ELF2: variants seen among roughly 807,000 people sequenced by gnomAD.
ELF2 encodes E74 like ETS transcription factor 2.
Under a neutral mutation model 54.8 loss-of-function variants are expected in ELF2, and 11 were observed. The observed-to-expected ratio is 0.20, with a 90% CI of 0.13 to 0.33. The LOEUF (loss-of-function observed/expected upper bound fraction) is 0.33. Among genes scored for constraint, ELF2 ranks in the 10% least tolerant of loss-of-function variants. The pLI is 1.00. For synonymous variants in ELF2, 203 were observed against 245.1 expected, an observed-to-expected ratio of 0.83 and a Z score of 1.61; for missense variants, 513 against 703.0, an observed-to-expected ratio of 0.73 and a Z score of 3.06.
chr4:139,123,406 C>G (rs1255033067), intron 4 of ELF2, among the ~76,000 whole-genome samples: 1 of 152,186 alleles, frequency 6.6e-6, no homozygotes, highest in Non-Finnish European at 1.5e-5. Flanking sequence ...TTCACAATCA[C>G]TAATATCTCT....
intron 4 of ELF2, among the ~76,000 whole-genome samples, chr4:139,106,231 G>C (rs1734387714): frequency 6.6e-6 from 1 of 152,102 alleles, no homozygotes; most frequent in African/African-American, 2.4e-5. Flanking sequence ...CTACATGACT[G>C]AGAGGCTTTT....
chr4:139,137,540 C>T, intron 3 of ELF2, 90 bp downstream of exon 3: 1 of 1,252,718 alleles, frequency 8.0e-7, no homozygotes. Flanking sequence ...TACATTTTTA[C>T]TCTCAAATAT....
chr4:139,159,026 A>G (rs1740829489), intron 1 of ELF2, among the ~76,000 whole-genome samples: 1 of 152,168 alleles, frequency 6.6e-6, no homozygotes, highest in Non-Finnish European at 1.5e-5. Flanking sequence ...GACTGCAGAG[A>G]GGTGGGAAGG....
intron 1 of ELF2, among the ~76,000 whole-genome samples, chr4:139,164,003 G>A (rs755351382): frequency 6.7e-5 from 10 of 149,246 alleles, no homozygotes; most frequent in Admixed American, 1.4e-4. Flanking sequence ...GGAAAGGAAA[G>A]GGGCAAGGGC....
intron 2 of ELF2, among the ~76,000 whole-genome samples, chr4:139,138,184 C>T (rs907350613): frequency 4.6e-5 from 7 of 152,096 alleles, no homozygotes; most frequent in Non-Finnish European, 8.8e-5. Context: ...TTTGGGAGGC[C>T]GAGGCAGGCG....
chr4:139,150,229 T>C (rs554473454), intron 1 of ELF2, among the ~76,000 whole-genome samples: 21 of 152,112 alleles, frequency 1.4e-4, no homozygotes, highest in African/African-American at 4.1e-4. Flanking sequence ...TAGCCCAGCA[T>C]GGTGGCAGGT....
At chr4:139,091,060 A>G (rs778724977) in intron 4 of ELF2, among the ~76,000 whole-genome samples, 1 of 152,028 alleles carries the variant, frequency 6.6e-6, no homozygotes, top group Non-Finnish European at 1.5e-5. Context: ...CAGCCTCCCA[A>G]GTAGCTGGGA....
At chr4:139,151,253 T>C (rs781119936) in intron 1 of ELF2, among the ~76,000 whole-genome samples, 1 of 151,952 alleles carries the variant, frequency 6.6e-6, no homozygotes, top group Non-Finnish European at 1.5e-5. Flanking sequence ...AAATATAGAA[T>C]ATCTTCATGA....
At chr4:139,114,171 T>C (rs1290101515) in intron 4 of ELF2, among the ~76,000 whole-genome samples, 2 of 152,220 alleles carry the variant, frequency 1.3e-5, no homozygotes, top group Non-Finnish European at 2.9e-5. Context: ...TAGATTTTCT[T>C]TTTCTATATA....
At chr4:139,067,321 A>C (rs1728852172) in intron 7 of ELF2, 1 of 174,802 alleles carries the variant, frequency 5.7e-6, no homozygotes, top group Admixed American at 5.6e-5. Context: ...AAATTATTAG[A>C]AACAAGGTTT....
Position 139,116,731 on chromosome 4 carries a change from T to C in ELF2, c.238+8433A>G. 3 of 985,432 alleles carry C rather than the reference T, an allele frequency of 3.0e-6. No individual in the cohort carries two copies. In the South Asian group the frequency reaches 1.4e-4, roughly 46 times the overall value. 61.0% of individuals were successfully genotyped at this position (985,432 alleles called of 1,614,324 possible). A position where few individuals can be genotyped will look rare whatever the true frequency, so the allele number is the denominator to read the frequency against. On this transcript the variant is annotated intron_variant, in intron 4 of 9. Coordinates refer to ENST00000686138, the MANE Select transcript of ELF2 (RefSeq NM_001331036.3). ...GGCTCGTTTTCAGATCCCCAGTTTT[T>C]CATGTCGATCTTCTACCTCCCTGTG...
At chr4:139,136,811 C>T (rs1738213780) in intron 3 of ELF2, 1 of 152,086 alleles carries the variant, frequency 6.6e-6, no homozygotes, top group Non-Finnish European at 1.5e-5. Context: ...ACTACAGGCG[C>T]CCGCCACCAC....
Position 139,134,589 on chromosome 4 carries a change from T to TTTTATTTTATTTTATTTTATTTTA in ELF2, c.72+3017_72+3040dup, listed in dbSNP as rs1737918894. ...GTTATTTTATTTTATGTTATATTTA[T>TTTTATTTTATTTTATTTTATTTTA]TTTATTTTATTTTATTTTATTTTAT... On this transcript the variant is annotated intron_variant, in intron 3 of 9. Transcript: ENST00000686138. 1.1e-4 allele frequency among the ~76,000 whole-genome samples: 2 copies of TTTTATTTTATTTTATTTTATTTTA among 18,058 alleles called. 1 individual carries two copies. The highest frequency in any genetic ancestry group is 6.1e-4 in the Admixed American group (2 of 3,296). The allele number at this position is 18,058 out of a possible 152,430, so 11.8% of individuals were successfully genotyped here.
At chr4:139,119,310 T>C (rs1736077859) in intron 4 of ELF2, among the ~76,000 whole-genome samples, 1 of 152,246 alleles carries the variant, frequency 6.6e-6, no homozygotes, top group Non-Finnish European at 1.5e-5. Context: ...TACTAAGCTT[T>C]AGTTGTACTA....
chr4:139,102,887 G>T (rs1317291476), intron 4 of ELF2, among the ~76,000 whole-genome samples: 1 of 147,620 alleles, frequency 6.8e-6, no homozygotes, highest in Non-Finnish European at 1.5e-5. Flanking sequence ...AGACATAAAT[G>T]TTTTTTTTTT....
chr4:139,062,342 T>G (rs1450387475), intron 7 of ELF2, among the ~76,000 whole-genome samples: 1 of 152,198 alleles, frequency 6.6e-6, no homozygotes, highest in African/African-American at 2.4e-5. Context: ...GGCTAATTTT[T>G]GTATTTTTGG....
intron 1 of ELF2, among the ~76,000 whole-genome samples, chr4:139,165,567 G>A (rs1741634197): frequency 6.6e-6 from 1 of 151,964 alleles, no homozygotes; most frequent in Non-Finnish European, 1.5e-5. Flanking sequence ...GGAGGCTGAG[G>A]CAGGAGAACC....
At chr4:139,116,827 A>G (rs551358396) in intron 4 of ELF2, 2 of 623,902 alleles carry the variant, frequency 3.2e-6, no homozygotes, top group African/African-American at 2.0e-5. Flanking sequence ...TAACAAATAC[A>G]AAAGTTATGA....
chr4:139,104,331 G>C (rs987813843), intron 4 of ELF2, among the ~76,000 whole-genome samples: 2 of 152,008 alleles, frequency 1.3e-5, no homozygotes, highest in African/African-American at 2.4e-5. Flanking sequence ...TCAACATGGT[G>C]AAACCCTGTC....
Sources: allele counts gnomAD v4.1 joint callset (sites outside exome capture counted in the v4.1 genomes callset), GRCh38; gene constraint gnomAD v4.1.1; transcripts MANE v1.5; gene names NCBI Gene and HGNC (gene_info 2026-07-23, HGNC 2026-07-21).